SRGAP3: variants seen among roughly 807,000 people sequenced by gnomAD.
SRGAP3 encodes the protein SLIT-ROBO Rho GTPase-activating protein 3.
Under a neutral mutation model 121.1 loss-of-function variants are expected in SRGAP3, and 39 were observed. That is an observed-to-expected ratio of 0.32 (90% CI 0.25 to 0.42). The LOEUF is 0.42. SRGAP3 is among the 10% of genes least tolerant of loss of function. The pLI is 1.00. For missense variants in SRGAP3, 1,213 were observed against 1,470.6 expected, an observed-to-expected ratio of 0.82 and a Z score of 2.86; for synonymous variants, 601 against 570.0, an observed-to-expected ratio of 1.05 and a Z score of -0.77.
intron 3 of SRGAP3, among the ~76,000 whole-genome samples, chr3:9,320,364 G>C (rs1300147223): frequency 3.3e-5 from 5 of 151,914 alleles, no homozygotes; most frequent in African/African-American, 4.8e-5. Context: ...CTGGTGGGAG[G>C]TGGTTGGATC....
chr3:9,124,911 C>T lies in SRGAP3; in HGVS notation c.74G>A (p.Arg25His), dbSNP rs1475567613. The change falls in exon 2 of 22, where the codon CGC becomes CAC. Residue 25 changes from arginine to histidine, a missense_variant. Around this residue, in one of 2 missense-constraint regions of SRGAP3, gnomAD observed 793 missense variants for 1,032.9 expected, o/e 0.77. Transcript: ENST00000383836. ...TTTGAACTGCTCCACCAGCTGCGTG[C>T]GGATCTCTGCGGGCACACAAGGGTA... ...AEYEAQIKEIRTQLVEQFKCL... is the reference protein window; with the variant it reads ...AEYEAQIKEIHTQLVEQFKCL... 4 of 1,613,918 alleles carry T rather than the reference C, an allele frequency of 2.5e-6. No homozygotes were observed. Among genetic ancestry groups the T allele is most frequent in the Non-Finnish European group, 3.4e-6 (4 of 1,180,032 alleles).
In SRGAP3 at chr3:9,310,232, T is replaced by C. The variant is rs188197421; in HGVS notation, n.442+15778A>G. On this transcript the variant is annotated intron_variant and non_coding_transcript_variant, in intron 3 of 3. Coordinates refer to the SRGAP3 transcript ENST00000490889. ...ACTTCCCAGGATGAACATGGGTAAA[T>C]ATTGGAGTGGCCCCAAGGTCAGAGC... Among the ~76,000 whole-genome samples, 14 of 152,164 alleles carry C rather than the reference T, an allele frequency of 9.2e-5. No homozygotes were observed. In the East Asian group the frequency reaches 2.7e-3, roughly 29 times the overall value.
intron 1 of SRGAP3, among the ~76,000 whole-genome samples, chr3:9,195,562 C>G (rs550015915): frequency 6.6e-5 from 10 of 152,308 alleles, no homozygotes; most frequent in African/African-American, 2.4e-4. Context: ...GCTCCTCCCC[C>G]TCCCCATCCT....
chr3:9,238,514 G>A (rs934476873), intron 1 of SRGAP3, among the ~76,000 whole-genome samples: 3 of 152,152 alleles, frequency 2.0e-5, no homozygotes, highest in Non-Finnish European at 4.4e-5. Context: ...GAGCATATGG[G>A]TAAAGATTTC....
intron 4 of SRGAP3, among the ~76,000 whole-genome samples, chr3:9,075,469 C>T (rs901769594): frequency 8.5e-5 from 13 of 152,064 alleles, no homozygotes; most frequent in East Asian, 7.7e-4. Context: ...AAGGGCTGAG[C>T]AGATAAGGAC....
rs1320091196 is a variant in SRGAP3, at chr3:9,239,046, C to A, written c.67+9839G>T. On this transcript the variant is annotated intron_variant, in intron 1 of 21. Coordinates refer to ENST00000383836, the MANE Select transcript of SRGAP3 (RefSeq NM_014850.4). This position sits in a 1 kb window ranked among gnomAD's most constrained non-coding sequence, Gnocchi z 4.0. ...TTGGAGCACAACCCTGGAGGGAAAC[C>A]CCAAATTGACTTATACTTATTTCTG... is the stretch of plus-strand genomic sequence containing the variant. 6.6e-6 allele frequency among the ~76,000 whole-genome samples: 1 copy of A among 152,108 alleles called. No individual in the cohort carries two copies.
At chr3:9,024,944 T>C (rs745531338) in intron 14 of SRGAP3, among the ~76,000 whole-genome samples, 12 of 152,148 alleles carry the variant, frequency 7.9e-5, no homozygotes, top group Non-Finnish European at 1.5e-4. Context: ...GTAGTAGTCA[T>C]AGTAGTAGTA....
intron 1 of SRGAP3, among the ~76,000 whole-genome samples, chr3:9,344,681 C>A (rs1955853315): frequency 2.0e-5 from 3 of 151,856 alleles, no homozygotes; most frequent in Non-Finnish European, 4.4e-5. Context: ...GAGATTTTAT[C>A]CAATGGAAAT....
At chr3:9,342,550 C>T (rs945389276) in intron 1 of SRGAP3, among the ~76,000 whole-genome samples, 1 of 152,220 alleles carries the variant, frequency 6.6e-6, no homozygotes, top group African/African-American at 2.4e-5. Flanking sequence ...AATTTCTTCC[C>T]TGATATTCTC....
chr3:9,187,641 C>A (rs1416964759), intron 1 of SRGAP3, among the ~76,000 whole-genome samples: 1 of 152,168 alleles, frequency 6.6e-6, no homozygotes, highest in African/African-American at 2.4e-5. Context: ...TAAATCTAGA[C>A]CCTGCCACAG....
chr3:9,184,519 T>A (rs2125127350), intron 1 of SRGAP3, among the ~76,000 whole-genome samples: 1 of 152,312 alleles, frequency 6.6e-6, no homozygotes, highest in African/African-American at 2.4e-5. Context: ...ACCATCCACG[T>A]AATCTCTTAG....
In SRGAP3 at chr3:8,994,432, C is replaced by T. The variant is rs931531833; in HGVS notation, c.2319G>A (p.Leu773=). 1 of 1,614,100 alleles carries T rather than the reference C, an allele frequency of 6.2e-7. No individual in the cohort carries two copies. The change falls in exon 19 of 22, where the codon CTG becomes CTA. Residue 773 remains leucine, a synonymous_variant. Transcript: ENST00000383836. ...LSFKKGASLL[L]YHRASEDWWE... Reference sequence around the variant, plus strand: ...ACCAGTCCTCCGAGGCGCGGTGGTACAGGAGCAGCGAGGCCCCCTTCTTGA... The same window carrying T: ...ACCAGTCCTCCGAGGCGCGGTGGTATAGGAGCAGCGAGGCCCCCTTCTTGA...
chr3:9,245,516 C>T (rs542432658), intron 1 of SRGAP3, among the ~76,000 whole-genome samples: 5 of 152,298 alleles, frequency 3.3e-5, no homozygotes, highest in African/African-American at 7.2e-5. Context: ...GCTCCACACA[C>T]CCAGTGGGCA....
At position 9,219,847 on chromosome 3, in the gene SRGAP3, TAAAG is replaced by T. The variant is rs1373390547; in HGVS notation, c.67+29034_67+29037del. On this transcript the variant is annotated intron_variant, in intron 1 of 21. Coordinates refer to ENST00000383836, the MANE Select transcript of SRGAP3 (RefSeq NM_014850.4). ...GCCTGGGCGACAGAGTACAAAAAAA[TAAAG>T]AAAGAAAGAATGAAATCCTGTCATT... is the stretch of plus-strand genomic sequence containing the variant. Among the ~76,000 whole-genome samples the T allele has an allele frequency of 5.3e-5, 8 of 151,782 alleles. No individual in the cohort carries two copies. The South Asian group carries it at 6.3e-4, about 12-fold the overall frequency.
At chr3:9,202,653 A>C (rs1574860273) in intron 1 of SRGAP3, among the ~76,000 whole-genome samples, 1 of 150,664 alleles carries the variant, frequency 6.6e-6, no homozygotes, top group African/African-American at 2.4e-5. Context: ...ATCTCTGCTC[A>C]CCCCCTGGAA....
chr3:9,247,354 CA>C, intron 1 of SRGAP3, among the ~76,000 whole-genome samples: 1 of 152,180 alleles, frequency 6.6e-6, no homozygotes, highest in Non-Finnish European at 1.5e-5. Flanking sequence ...AAACCAAAGA[CA>C]GGAGACCAGG....
chr3:9,276,413 G>A (rs1430578215), intron 3 of SRGAP3, among the ~76,000 whole-genome samples: 3 of 145,466 alleles, frequency 2.1e-5, no homozygotes, highest in Non-Finnish European at 3.0e-5. Flanking sequence ...GATCTACATA[G>A]ATTTTTGACT....
chr3:9,086,310 G>A (rs771490647), intron 3 of SRGAP3, among the ~76,000 whole-genome samples: 5 of 152,016 alleles, frequency 3.3e-5, no homozygotes, highest in African/African-American at 9.7e-5. Flanking sequence ...CAGATGACCT[G>A]AGCCCAGGAT....
At chr3:9,172,326 C>T (rs527571297) in intron 1 of SRGAP3, among the ~76,000 whole-genome samples, 28 of 152,156 alleles carry the variant, frequency 1.8e-4, no homozygotes, top group African/African-American at 6.7e-4. Context: ...TGGTCTTGAA[C>T]TCCTGGACTC....
Sources: gnomAD v4.1 joint callset for allele counts (sites outside exome capture counted in the v4.1 genomes callset) on GRCh38, gnomAD v4.1.1 for gene constraint, gnomAD v4.1.1 regional missense constraint, Gnocchi (gnomAD v3.1) non-coding constraint, MANE v1.5 for transcripts, NCBI Gene and HGNC (gene_info 2026-07-23, HGNC 2026-07-21) for gene names.